Variants in PTPRG observed in about 807,000 individuals in gnomAD.
The protein encoded by PTPRG is receptor-type tyrosine-protein phosphatase gamma.
A neutral mutation model predicts 165.3 loss-of-function variants in PTPRG; 102 were observed. The ratio of observed to expected loss-of-function variants is 0.62; its 90% CI spans 0.53 to 0.73. PTPRG has a LOEUF of 0.73. Ranked by LOEUF, PTPRG falls within the 30% of genes least tolerant of loss-of-function variation. The pLI is 0.00. For missense variants in PTPRG, 1,866 were observed against 1,861.4 expected (o/e 1.00, Z -0.05); for synonymous variants, 675 against 669.5 (o/e 1.01, Z -0.13).
chr3:62,002,789 T>C (rs2041204945), intron 3 of PTPRG, among the ~76,000 whole-genome samples: 2 of 152,228 alleles, frequency 1.3e-5, no homozygotes, highest in South Asian at 4.1e-4. Context: ...CTGGGTACTG[T>C]TATTAAATAC....
chr3:61,969,843 C>T (rs1190425819), intron 2 of PTPRG, among the ~76,000 whole-genome samples: 1 of 152,160 alleles, frequency 6.6e-6, no homozygotes, highest in Admixed American at 6.5e-5. Flanking sequence ...CCTTGGAAAG[C>T]TGCACTGGGT....
chr3:61,869,268 A>G (rs1575737361), intron 2 of PTPRG, among the ~76,000 whole-genome samples: 1 of 152,188 alleles, frequency 6.6e-6, no homozygotes, highest in South Asian at 2.1e-4. Context: ...ATTTTGGCTC[A>G]AGAGCATCTT....
At chr3:61,839,153 A>G (rs1023758405) in intron 2 of PTPRG, among the ~76,000 whole-genome samples, 4 of 152,214 alleles carry the variant, frequency 2.6e-5, no homozygotes, top group African/African-American at 9.6e-5. Context: ...GCTTTAAAGA[A>G]AGTAACATCA....
intron 2 of PTPRG, among the ~76,000 whole-genome samples, chr3:61,781,336 T>G (rs2034538018): frequency 6.6e-6 from 1 of 152,222 alleles, no homozygotes; most frequent in African/African-American, 2.4e-5. Flanking sequence ...ACTAGGTATA[T>G]GAGCATTTAG....
chr3:61,633,575 T>C (rs1701825633), intron 1 of PTPRG, among the ~76,000 whole-genome samples: 1 of 152,262 alleles, frequency 6.6e-6, no homozygotes, highest in Non-Finnish European at 1.5e-5. Flanking sequence ...TGATCTCTGA[T>C]AGTATTTTTT....
At chr3:62,205,588 G>A (rs1463708374) in intron 12 of PTPRG, among the ~76,000 whole-genome samples, 2 of 152,182 alleles carry the variant, frequency 1.3e-5, no homozygotes, top group Non-Finnish European at 2.9e-5. Flanking sequence ...CAAGTGGTAA[G>A]AAGGAGCTAG....
intron 14 of PTPRG, among the ~76,000 whole-genome samples, chr3:62,239,430 C>T (rs1351377650): frequency 2.9e-5 from 4 of 138,002 alleles, no homozygotes; most frequent in African/African-American, 8.3e-5. Context: ...GGTGTGATCT[C>T]GGCTCACTGC....
chr3:62,293,200 G>T lies in PTPRG; in HGVS notation c.4231G>T (p.Val1411Phe). The T allele has an allele frequency of 6.2e-7, 1 of 1,608,476 alleles. No homozygotes were observed. The highest frequency in any genetic ancestry group is 8.5e-7 in the Non-Finnish European group (1 of 1,178,170). ...QFIYKAMLSLVSTKENGNGPM... is the reference protein window; with the variant it reads ...QFIYKAMLSLFSTKENGNGPM... ...CATCTATAAAGCAATGCTTAGCTTG[G>T]TCAGCACTAAAGAAAATGGAAATGG... The change falls in exon 30 of 30, where the codon GTC (valine) becomes TTC (phenylalanine). Residue 1411 changes from valine to phenylalanine, a missense_variant. Around this residue, in one of 3 missense-constraint regions of PTPRG, gnomAD observed 1,452 missense variants for 1,463.0 expected, o/e 0.99. Transcript: ENST00000474889.
intron 2 of PTPRG, among the ~76,000 whole-genome samples, chr3:61,972,937 G>A (rs2040417713): frequency 6.6e-6 from 1 of 152,064 alleles, no homozygotes; most frequent in East Asian, 1.9e-4. Flanking sequence ...GGGCTTATAG[G>A]CATGCATCTC....
At chr3:61,612,796 T>TA (rs144081613) in intron 1 of PTPRG, among the ~76,000 whole-genome samples, 2,509 of 152,266 alleles carry the variant, frequency 0.016, 65 homozygotes, top group African/African-American at 0.056. Context: ...AATTTGATGA[T>TA]ATCAGCTTCG....
At chr3:61,919,117 C>T (rs2039014561) in intron 2 of PTPRG, among the ~76,000 whole-genome samples, 2 of 152,176 alleles carry the variant, frequency 1.3e-5, no homozygotes, top group African/African-American at 4.8e-5. Context: ...TTCCTGCATT[C>T]CCAGTCAGAG....
At chr3:61,643,627 A>G (rs567939803) in intron 1 of PTPRG, among the ~76,000 whole-genome samples, 13 of 152,240 alleles carry the variant, frequency 8.5e-5, no homozygotes, top group African/African-American at 2.4e-4. Flanking sequence ...TAAAAATACA[A>G]AAATTAGCTG....
chr3:61,813,890 C>CT (rs58457367), intron 2 of PTPRG, among the ~76,000 whole-genome samples: 48,424 of 133,256 alleles, frequency 0.36, 9,855 homozygotes, highest in East Asian at 0.63. Flanking sequence ...GAGATACTGG[C>CT]TTTTTTTTTT....
rs756821576 is a variant in PTPRG, at chr3:62,255,187, A to T, written c.2531A>T (p.Asn844Ile). The change falls in exon 16 of 30, where the codon AAC becomes ATC. Residue 844 changes from asparagine to isoleucine, a missense_variant. Transcript: ENST00000474889. This position sits in a 1 kb window ranked among gnomAD's most constrained non-coding sequence, Gnocchi z 4.0. ...CACATCGGTGAGCTCTATTCTAATA[A>T]CCAGCATGGGTTCTCTGAGGATTTT... ...VKHIGELYSN[N>I]QHGFSEDFEE... is the part of the protein sequence containing the mutation. The T allele has an allele frequency of 3.7e-6, 6 of 1,612,938 alleles. No homozygotes were observed. In the Admixed American group the frequency reaches 1.0e-4, roughly 27 times the overall value.
At chr3:62,027,643 A>G (rs1410306496) in intron 4 of PTPRG, among the ~76,000 whole-genome samples, 1 of 152,202 alleles carries the variant, frequency 6.6e-6, no homozygotes, top group Non-Finnish European at 1.5e-5. Flanking sequence ...CAGCTGACAG[A>G]CATTTACCTG....
chr3:62,074,343 CT>C (rs1189852186), intron 4 of PTPRG, among the ~76,000 whole-genome samples: 5 of 115,758 alleles, frequency 4.3e-5, no homozygotes, highest in African/African-American at 1.4e-4. Flanking sequence ...CCTTTCTTTT[CT>C]TTTCTTTCTT....
chr3:61,942,494 A>T (rs1443599754), intron 2 of PTPRG, among the ~76,000 whole-genome samples: 1 of 152,328 alleles, frequency 6.6e-6, no homozygotes. Context: ...TTTTAGGTTC[A>T]ACAAATATTT....
chr3:62,108,470 G>C (rs920958106), intron 5 of PTPRG, among the ~76,000 whole-genome samples: 10 of 152,170 alleles, frequency 6.6e-5, no homozygotes, highest in African/African-American at 2.4e-4. Context: ...TTGGTTCCAA[G>C]TCTTTGCTAT....
intron 2 of PTPRG, among the ~76,000 whole-genome samples, chr3:61,980,373 A>G (rs1194053336): frequency 6.6e-6 from 1 of 152,204 alleles, no homozygotes; most frequent in African/African-American, 2.4e-5. Context: ...CTGTGTTAAC[A>G]GTAAAAATTT....
Sources: gnomAD v4.1 joint callset for allele counts (sites outside exome capture counted in the v4.1 genomes callset) on GRCh38, gnomAD v4.1.1 for gene constraint, gnomAD v4.1.1 regional missense constraint, Gnocchi (gnomAD v3.1) non-coding constraint, MANE v1.5 for transcripts, NCBI Gene and HGNC (gene_info 2026-07-23, HGNC 2026-07-21) for gene names.